ATP13A2: variants seen among roughly 807,000 people sequenced by gnomAD.
ATP13A2 encodes ATPase cation transporting 13A2.
Under a neutral mutation model 138.3 loss-of-function variants are expected in ATP13A2, and 83 were observed. The ratio of observed to expected loss-of-function variants is 0.60; its 90% CI spans 0.50 to 0.72. The LOEUF (loss-of-function observed/expected upper bound fraction) is 0.72, where lower values mean the gene tolerates loss of function less well. ATP13A2 is among the 30% of genes least tolerant of loss of function. ATP13A2 has a pLI of 0.00. For missense variants in ATP13A2, 1,402 were observed against 1,606.4 expected (o/e 0.87, Z 2.17); for synonymous variants, 663 against 699.0 (o/e 0.95, Z 0.81).
intron 7 of ATP13A2, 21 bp downstream of exon 7, chr1:17,002,275 C>T (rs1400357058): frequency 7.4e-6 from 12 of 1,611,378 alleles, no homozygotes; most frequent in Non-Finnish European, 9.3e-6. Flanking sequence ...TCAGGGCACC[C>T]CGGTCCAGGG....
chr1:16,992,213 C>A (rs1309400859), intron 18 of ATP13A2, 30 bp downstream of exon 18: 1 of 1,611,746 alleles, frequency 6.2e-7, no homozygotes, highest in Non-Finnish European at 8.5e-7. Context: ...CAATGCCCAA[C>A]CAGGGGGACT....
In ATP13A2 at chr1:17,011,529, C is replaced by G. The variant is rs565526709; in HGVS notation, c.10+200G>C. Among the ~76,000 whole-genome samples, 6 of 152,282 alleles carry G rather than the reference C, an allele frequency of 3.9e-5. No individual in the cohort carries two copies. In the East Asian group the frequency reaches 1.2e-3, roughly 29 times the overall value. On this transcript the variant is annotated intron_variant, in intron 1 of 28. Transcript: ENST00000326735. This position sits in a 1 kb window ranked among gnomAD's most constrained non-coding sequence, Gnocchi z 7.3. Reference sequence around the variant, plus strand: ...GCGAGCGGCGGCGCCATCCCCAGCCCCGGCGTCTCTGGGAAGAAACCGGGG... The same window carrying G: ...GCGAGCGGCGGCGCCATCCCCAGCCGCGGCGTCTCTGGGAAGAAACCGGGG...
chr1:17,005,815 AC>A (rs776788471), intron 1 of ATP13A2, 37 bp from the exon 2 acceptor site: 2 of 1,559,076 alleles, frequency 1.3e-6, no homozygotes, highest in Admixed American at 3.7e-5. Flanking sequence ...TTGGGGAGGC[AC>A]CTTCTCCTCT....
At position 17,011,578 on chromosome 1, in the gene ATP13A2, G is replaced by C. The variant is rs1029989318; in HGVS notation, c.10+151C>G. 8.3e-6 allele frequency: 8 copies of C among 961,992 alleles called. No homozygotes were observed. The highest frequency in any genetic ancestry group is 7.7e-4 in the Middle Eastern group (2 of 2,590). The allele number at this position is 961,992 out of a possible 1,614,324, so 59.6% of individuals were successfully genotyped here. On this transcript the variant is annotated intron_variant, in intron 1 of 28. Coordinates refer to ENST00000326735, the MANE Select transcript of ATP13A2 (RefSeq NM_022089.4). The surrounding 1 kb of genome is among the most constrained non-coding windows in gnomAD (Gnocchi z 7.3). ...GGCCGAGTCCCCGTCAAAAGGGAGGGGACGGGCCAGGATCCCCAACCAGGT... is the reference window on the plus strand; with the variant it reads ...GGCCGAGTCCCCGTCAAAAGGGAGGCGACGGGCCAGGATCCCCAACCAGGT...
Position 16,995,469 on chromosome 1 carries a change from T to G in ATP13A2, c.1542+507A>C. On this transcript the variant is annotated intron_variant, in intron 15 of 28. Coordinates refer to ENST00000326735, the MANE Select transcript of ATP13A2 (RefSeq NM_022089.4). This position sits in a 1 kb window ranked among gnomAD's most constrained non-coding sequence, Gnocchi z 4.1. Reference sequence around the variant, plus strand: ...CACTAGGGCCCCAGGTCCCCACCAGTAATTTTTTTTTTTTTTTGAGTTTTG... The same window carrying G: ...CACTAGGGCCCCAGGTCCCCACCAGGAATTTTTTTTTTTTTTTGAGTTTTG... 3.8e-6 allele frequency: 1 copy of G among 261,120 alleles called. No homozygotes were observed. The highest frequency in any genetic ancestry group is 7.5e-6 in the Non-Finnish European group (1 of 133,152). 16.2% of individuals were successfully genotyped at this position (261,120 alleles called of 1,614,324 possible).
intron 23 of ATP13A2, 31 bp downstream of exon 23, chr1:16,989,660 C>T (rs370828598): frequency 1.2e-6 from 2 of 1,610,210 alleles, no homozygotes; most frequent in African/African-American, 2.7e-5. Context: ...TCTCCGCAGG[C>T]CCTTGCCCAC....
Position 16,986,787 on chromosome 1 carries a change from C to T in ATP13A2, c.3235+18G>A. 6.2e-7 allele frequency: 1 copy of T among 1,609,858 alleles called. No individual in the cohort carries two copies. The highest frequency in any genetic ancestry group is 1.3e-5 in the African/African-American group (1 of 74,994). ...CCCTCCCTCCGCCAGCATCTCCCGC[C>T]CGCGCCCGCAGTGGCACCATTGGTG... On this transcript the variant is annotated intron_variant, in intron 27 of 28. Transcript: ENST00000326735. This position sits in a 1 kb window ranked among gnomAD's most constrained non-coding sequence, Gnocchi z 6.9.
rs1192994082 is a variant in ATP13A2 at position 16,992,027 on chromosome 1, G to A, written c.2108C>T (p.Ala703Val). The change falls in exon 19 of 29, where the codon GCA becomes GTA. Residue 703 changes from alanine to valine, a missense_variant. By Grantham distance (64) the Ala-to-Val change is moderately conservative. Transcript: ENST00000326735. The part of the protein sequence containing the change: ...KPLPTVPSLE[A>V]AQQLTRDTVE... ...GGCCCACCTCGTCAGTTGCTGGGCT[G>A]CCTCCAGGCTGGGCACAGTGGGCAG... 3.1e-6 allele frequency: 5 copies of A among 1,612,882 alleles called. No individual in the cohort carries two copies. Among genetic ancestry groups the A allele is most frequent in the Non-Finnish European group, 4.2e-6 (5 of 1,179,446 alleles).
Position 17,011,761 on chromosome 1 carries a change from C to CGGCCCCGGCGCTGCGGCCCTCGGCCTG in ATP13A2, c.-50_-24dup, listed in dbSNP as rs1444778511. ...CATGCCGGCTCCTCGCGCTCATCGC[C>CGGCCCCGGCGCTGCGGCCCTCGGCCTG]GGCCCCGGCGCTGCGGCCCTCGGCC... On this transcript the variant is annotated 5_prime_UTR_variant, in exon 1 of 29. Coordinates refer to ENST00000326735, the MANE Select transcript of ATP13A2 (RefSeq NM_022089.4). This position sits in a 1 kb window ranked among gnomAD's most constrained non-coding sequence, Gnocchi z 7.3. 6.2e-6 allele frequency: 9 copies of CGGCCCCGGCGCTGCGGCCCTCGGCCTG among 1,442,806 alleles called. No individual in the cohort carries two copies. Among genetic ancestry groups the CGGCCCCGGCGCTGCGGCCCTCGGCCTG allele is most frequent in the Non-Finnish European group, 4.5e-6 (5 of 1,100,812 alleles). The allele number at this position is 1,442,806 out of a possible 1,614,324, so 89.4% of individuals were successfully genotyped here. A position where few individuals can be genotyped will look rare whatever the true frequency, so the allele number is the denominator to read the frequency against.
intron 11 of ATP13A2, among the ~76,000 whole-genome samples, chr1:16,998,522 A>C (rs1272338351): frequency 6.6e-6 from 1 of 152,070 alleles, no homozygotes; most frequent in Non-Finnish European, 1.5e-5. Context: ...TTGTGATACA[A>C]ATACAATGCC....
Position 17,008,828 on chromosome 1 carries a change from G to T in ATP13A2, c.10+2901C>A, listed in dbSNP as rs932213134. Among the ~76,000 whole-genome samples, 11 of 152,234 alleles carry T rather than the reference G, an allele frequency of 7.2e-5. No homozygotes were observed. The East Asian group carries it at 2.1e-3, about 29-fold the overall frequency. ...ATAAAAACCAAATTAGCCGGGCGTG[G>T]TGGCAGGCGCCTGTAGTCCCAGCTA... On this transcript the variant is annotated intron_variant, in intron 1 of 28. Transcript: ENST00000326735.
Position 17,004,366 on chromosome 1 carries a change from A to T in ATP13A2, c.523T>A (p.Trp175Arg). The change falls in exon 6 of 29, where the codon TGG (tryptophan) becomes AGG (arginine). Residue 175 changes from tryptophan (W) to arginine (R), a missense_variant. By Grantham distance (101) the Trp-to-Arg change is moderately radical. Coordinates refer to ENST00000326735, the MANE Select transcript of ATP13A2 (RefSeq NM_022089.4). This position sits in a 1 kb window ranked among gnomAD's most constrained non-coding sequence, Gnocchi z 4.1. ...YYLFQGQRYI[W>R]IETQQAFYQV... ...TAGAAGGCTTGCTGGGTCTCGATCC[A>T]GATATAGCGCTGGCCCTGGAAGAGG... 2 of 1,614,066 alleles carry T rather than the reference A, an allele frequency of 1.2e-6. No individual in the cohort carries two copies. Among genetic ancestry groups the T allele is most frequent in the South Asian group, 2.2e-5 (2 of 91,072 alleles).
At position 16,986,548 on chromosome 1, in the gene ATP13A2, G is replaced by A. The variant is rs755307953; in HGVS notation, c.3320C>T (p.Ala1107Val). The A allele has an allele frequency of 5.7e-5, 92 of 1,612,332 alleles. No individual in the cohort carries two copies. Among genetic ancestry groups the A allele is most frequent in the Middle Eastern group, 1.6e-4 (1 of 6,084 alleles). ...GCCGGTGTCAGTGATGTTCCTCAGC[G>A]CCAGCGGCCCCTGCAGGAGGCCGGG... ...LVPGLLQGPL[A>V]LRNITDTGFK... is the part of the protein sequence containing the mutation. The change falls in exon 28 of 29, where the codon GCG (alanine) becomes GTG (valine). Residue 1107 changes from alanine (A) to valine (V), a missense_variant. By Grantham distance (64) the Ala-to-Val change is moderately conservative. Coordinates refer to ENST00000326735, the MANE Select transcript of ATP13A2 (RefSeq NM_022089.4). The surrounding 1 kb of genome is among the most constrained non-coding windows in gnomAD (Gnocchi z 6.9).
intron 1 of ATP13A2, among the ~76,000 whole-genome samples, chr1:17,010,050 G>C (rs35496797): frequency 0.17 from 25,278 of 151,766 alleles, 2,315 homozygotes; most frequent in African/African-American, 0.23. Flanking sequence ...GCACCTTCAT[G>C]ATGGCATTGC....
chr1:16,999,406 G>A (rs9435667), intron 11 of ATP13A2, among the ~76,000 whole-genome samples: 3,505 of 64,362 alleles, frequency 0.054, 41 homozygotes, highest in Non-Finnish European at 0.077. Context: ...AAAAAAAAAA[G>A]GAGAAATAGC....
Position 17,003,513 on chromosome 1 carries a change from C to A in ATP13A2, c.557+819G>T, listed in dbSNP as rs74928410. 4.6e-3 allele frequency among the ~76,000 whole-genome samples: 693 copies of A among 150,732 alleles called. 7 individuals carry two copies. Among genetic ancestry groups the A allele is most frequent in the African/African-American group, 0.016 (668 of 41,124 alleles). ...GCGGAGGTGCAGTGAGCCGAGAATG[C>A]GGCATTGCACTCCAGCCCGGGCAAC... On this transcript the variant is annotated intron_variant, in intron 6 of 28. Transcript: ENST00000326735.
At chr1:17,010,686 C>G (rs2077752085) in intron 1 of ATP13A2, among the ~76,000 whole-genome samples, 1 of 152,202 alleles carries the variant, frequency 6.6e-6, no homozygotes, top group South Asian at 2.1e-4. Flanking sequence ...AGTAGATTGA[C>G]AAGCACAAAG....
chr1:16,990,298 T>C lies in ATP13A2; in HGVS notation c.2252-11A>G, dbSNP rs775547036. ...TCTGCAGGTTGTCCCCTGGGGGTTA[T>C]GGGGCAAGGTGAGGGTCTGAGGCTA... is the stretch of plus-strand genomic sequence containing the variant. On this transcript the variant is annotated splice_polypyrimidine_tract_variant and intron_variant, in intron 20 of 28. Coordinates refer to ENST00000326735, the MANE Select transcript of ATP13A2 (RefSeq NM_022089.4). The C allele has an allele frequency of 5.6e-6, 9 of 1,613,844 alleles. No individual in the cohort carries two copies. Among genetic ancestry groups the C allele is most frequent in the Non-Finnish European group, 7.6e-6 (9 of 1,180,006 alleles).
At position 16,991,721 on chromosome 1, in the gene ATP13A2, C is replaced by T; in HGVS notation, c.2251+13G>A. 1 of 1,614,102 alleles carries T rather than the reference C, an allele frequency of 6.2e-7. No individual in the cohort carries two copies. The highest frequency in any genetic ancestry group is 8.5e-7 in the Non-Finnish European group (1 of 1,180,050). On this transcript the variant is annotated intron_variant, in intron 20 of 28. Transcript: ENST00000326735. ...TCTGCCCTGCTAGCCCGGGCCCCTA[C>T]ATGCCATTGTACCTGTCACCATGAC...
Sources: allele counts gnomAD v4.1 joint callset (sites outside exome capture counted in the v4.1 genomes callset), GRCh38; gene constraint gnomAD v4.1.1; non-coding constraint Gnocchi (gnomAD v3.1); transcripts MANE v1.5; gene names NCBI Gene and HGNC (gene_info 2026-07-23, HGNC 2026-07-21).